The following STK33 variants were observed in gnomAD, a reference collection of about 807,000 sequenced individuals.
STK33 encodes serine/threonine-protein kinase 33.
STK33 carries 52 observed loss-of-function variants against 58.0 expected under a neutral mutation model. The observed-to-expected ratio is 0.90, with a 90% confidence interval of 0.72 to 1.13. The LOEUF (loss-of-function observed/expected upper bound fraction) is 1.13. Among genes scored for constraint, STK33 ranks in the 50% most tolerant of loss-of-function variants. The pLI, the probability that STK33 is intolerant of heterozygous loss-of-function variation, is 0.00. For synonymous variants in STK33, 215 were observed against 200.1 expected, an observed-to-expected ratio of 1.07 and a Z score of -0.63; for missense variants, 630 against 604.2, an observed-to-expected ratio of 1.04 and a Z score of -0.45.
the STK33 span, among the ~76,000 whole-genome samples, chr11:8,362,916 T>C: frequency 0.037 from 5,490 of 149,158 alleles, 320 homozygotes; most frequent in African/African-American, 0.13. Context: ...CTTCCTTCCT[T>C]CCTCCCTCCT....
At chr11:8,349,096 C>G in the STK33 span, among the ~76,000 whole-genome samples, 1 of 152,168 alleles carries the variant, frequency 6.6e-6, no homozygotes. Context: ...CCAGCTCCCT[C>G]TGTTCTCTGG....
At chr11:8,528,857 T>C (rs2140072569) in intron 1 of STK33, among the ~76,000 whole-genome samples, 1 of 152,362 alleles carries the variant, frequency 6.6e-6, no homozygotes, top group Non-Finnish European at 1.5e-5. Flanking sequence ...ATGAGCCTAT[T>C]TTAGTTTATT....
chr11:8,380,486 G>C, the STK33 span, among the ~76,000 whole-genome samples: 9 of 151,902 alleles, frequency 5.9e-5, no homozygotes, highest in East Asian at 1.7e-3. Flanking sequence ...CTTGAAACCG[G>C]GAGGCAGAGG....
chr11:8,447,151 G>C (rs1306367146), intron 11 of STK33, among the ~76,000 whole-genome samples: 1 of 151,508 alleles, frequency 6.6e-6, no homozygotes, highest in Non-Finnish European at 1.5e-5. Flanking sequence ...GTGGGCAAAG[G>C]ATATGAACAG....
At chr11:8,406,894 A>ACAT (rs1323212608) in intron 15 of STK33, among the ~76,000 whole-genome samples, 1 of 152,088 alleles carries the variant, frequency 6.6e-6, no homozygotes, top group African/African-American at 2.4e-5. Context: ...GTGAGAGAGA[A>ACAT]CATCGTTCCT....
the STK33 span, among the ~76,000 whole-genome samples, chr11:8,379,327 C>A: frequency 6.6e-6 from 1 of 152,092 alleles, no homozygotes; most frequent in East Asian, 1.9e-4. Flanking sequence ...TTCTGCACAG[C>A]AGAAGAAATA....
At chr11:8,465,859 T>C (rs1395535209) in intron 6 of STK33, 1 of 153,698 alleles carries the variant, frequency 6.5e-6, no homozygotes, top group Non-Finnish European at 1.4e-5. Context: ...GAAAGAGGTT[T>C]ATTGGATTTA....
rs200514059 is a variant in STK33, at chr11:8,452,920, T to G, written c.787-14A>C. The G allele has an allele frequency of 1.2e-4, 189 of 1,611,286 alleles. No individual in the cohort carries two copies. The highest frequency in any genetic ancestry group is 1.4e-4 in the Non-Finnish European group (167 of 1,177,648). On this transcript the variant is annotated splice_polypyrimidine_tract_variant and intron_variant, in intron 10 of 15. Transcript: ENST00000687296. The stretch of plus-strand genomic sequence containing the variant: ...AAAATCAGTCACCTGGGAGAAGAAA[T>G]TCAAGCACAGTCACCTGTTTTCCTG...
chr11:8,526,883 T>TAAA (rs71059168), intron 1 of STK33, among the ~76,000 whole-genome samples: 29 of 141,426 alleles, frequency 2.1e-4, no homozygotes, highest in Non-Finnish European at 3.7e-4. Context: ...GTTTATATGT[T>TAAA]AAAAAAAAAA....
intron 1 of STK33, among the ~76,000 whole-genome samples, chr11:8,560,997 CTCCCT>C: frequency 6.6e-6 from 1 of 152,288 alleles, no homozygotes; most frequent in South Asian, 2.1e-4. Context: ...TCTACCTATT[CTCCCT>C]TCCCCTCTTT....
At chr11:8,532,722 T>C (rs977618900) in intron 1 of STK33, among the ~76,000 whole-genome samples, 2 of 152,202 alleles carry the variant, frequency 1.3e-5, no homozygotes, top group Admixed American at 6.5e-5. Context: ...TGATTAGAGA[T>C]GTCTTCTACA....
At chr11:8,540,988 CTCTCTCTATA>C (rs1303014333) in intron 1 of STK33, among the ~76,000 whole-genome samples, 11 of 138,178 alleles carry the variant, frequency 8.0e-5, no homozygotes, top group African/African-American at 2.5e-4. Flanking sequence ...CTCTCTCTCT[CTCTCTCTATA>C]TATATATATA....
chr11:8,534,331 T>C (rs1200438830), intron 1 of STK33, among the ~76,000 whole-genome samples: 4 of 151,822 alleles, frequency 2.6e-5, no homozygotes, highest in South Asian at 4.1e-4. Flanking sequence ...TTCCAGTACA[T>C]TCATCAGAGT....
At chr11:8,425,971 G>A (rs1251862400) in intron 14 of STK33, among the ~76,000 whole-genome samples, 1 of 152,036 alleles carries the variant, frequency 6.6e-6, no homozygotes, top group Admixed American at 6.6e-5. Context: ...AGCCCCAGTG[G>A]GTGTGTGTTA....
chr11:8,427,382 G>A (rs968612407), intron 14 of STK33, among the ~76,000 whole-genome samples: 13 of 151,704 alleles, frequency 8.6e-5, no homozygotes, highest in African/African-American at 3.1e-4. Flanking sequence ...ATTCTCTCTG[G>A]GAGCTTTTAG....
At chr11:8,471,464 G>A (rs1306346565) in intron 6 of STK33, among the ~76,000 whole-genome samples, 1 of 152,168 alleles carries the variant, frequency 6.6e-6, no homozygotes, top group Non-Finnish European at 1.5e-5. Context: ...AGTGTGAAAA[G>A]CATATAAGAT....
intron 1 of STK33, among the ~76,000 whole-genome samples, chr11:8,534,628 G>A (rs1283608053): frequency 1.4e-5 from 2 of 146,772 alleles, no homozygotes. Flanking sequence ...ATACTGAGGT[G>A]GTCTGGGTCA....
chr11:8,443,332 A>T lies in STK33; in HGVS notation c.872-2579T>A, dbSNP rs984035409. Among the ~76,000 whole-genome samples the T allele has an allele frequency of 3.3e-5, 5 of 152,324 alleles. No individual in the cohort carries two copies. The East Asian group carries it at 9.6e-4, about 29-fold the overall frequency. ...ATATTTTTAAAATATCCAACGCATC[A>T]TTTGCAAAAGCTGATCATGTGTTCA... On this transcript the variant is annotated intron_variant, in intron 11 of 15. Coordinates refer to ENST00000687296, the MANE Select transcript of STK33 (RefSeq NM_001352389.2).
At chr11:8,463,796 A>G (rs1947851346) in intron 7 of STK33, among the ~76,000 whole-genome samples, 1 of 152,210 alleles carries the variant, frequency 6.6e-6, no homozygotes, top group Admixed American at 6.5e-5. Context: ...AGTAGGTATG[A>G]TAGTTATATA....
Sources: gnomAD v4.1 joint callset for allele counts (sites outside exome capture counted in the v4.1 genomes callset) on GRCh38, gnomAD v4.1.1 for gene constraint, MANE v1.5 for transcripts, NCBI Gene and HGNC (gene_info 2026-07-23, HGNC 2026-07-21) for gene names.